Variants in SNTB2 observed in about 807,000 individuals in gnomAD.
The protein encoded by SNTB2 is syntrophin beta 2.
SNTB2 carries 34 observed loss-of-function variants against 46.2 expected under a neutral mutation model. That is an observed-to-expected ratio of 0.74 (90% confidence interval 0.56 to 0.98). SNTB2 has a LOEUF of 0.98. Among genes scored for constraint, SNTB2 ranks in the 50% least tolerant of loss-of-function variants. The pLI, the probability that SNTB2 is intolerant of heterozygous loss-of-function variation, is 0.00. For missense variants in SNTB2, 603 were observed against 731.4 expected, an observed-to-expected ratio of 0.82 and a Z score of 2.02; for synonymous variants, 290 against 312.6, an observed-to-expected ratio of 0.93 and a Z score of 0.76.
intron 1 of SNTB2, among the ~76,000 whole-genome samples, chr16:69,194,624 C>G (rs1964085732): frequency 6.6e-6 from 1 of 152,128 alleles, no homozygotes; most frequent in Admixed American, 6.6e-5. Flanking sequence ...CCCAGTCATT[C>G]CAGCCAAAAA....
chr16:69,248,371 C>A (rs113509192), intron 2 of SNTB2, among the ~76,000 whole-genome samples: 7,577 of 152,198 alleles, frequency 0.05, 262 homozygotes, highest in Non-Finnish European at 0.071. Context: ...AGGTGGCTCA[C>A]GCCTGTAATC....
rs1458776945 is a variant in SNTB2 at position 69,263,334 on chromosome 16, TC to T, written c.1005+3076del. ...TGTGTTGCCCAGGCTGGTCTCAAAC[TC>T]CTGGGCCCAGGTGATCTTCCCACCT... On this transcript the variant is annotated intron_variant, in intron 3 of 6. Coordinates refer to ENST00000336278, the MANE Select transcript of SNTB2 (RefSeq NM_006750.4). Among the ~76,000 whole-genome samples the T allele has an allele frequency of 2.6e-5, 4 of 151,886 alleles. No homozygotes were observed. The East Asian group carries it at 7.7e-4, about 29-fold the overall frequency.
chr16:69,284,111 C>G lies in SNTB2; in HGVS notation c.1212C>G (p.Thr404=). Residue 404 remains threonine (T), a synonymous_variant, in exon 5 of 7, where the codon ACC becomes ACG. Coordinates refer to ENST00000336278, the MANE Select transcript of SNTB2 (RefSeq NM_006750.4). Reference sequence around the variant, plus strand: ...TTGGATCTGACCTTACATTTGCTACCAGGACAGGCTCTCGACAGGGCATTG... The same window carrying G: ...TTGGATCTGACCTTACATTTGCTACGAGGACAGGCTCTCGACAGGGCATTG... ...PSLGSDLTFA[T]RTGSRQGIEM... 1 of 1,613,938 alleles carries G rather than the reference C, an allele frequency of 6.2e-7. No homozygotes were observed. The highest frequency in any genetic ancestry group is 1.1e-5 in the South Asian group (1 of 91,066).
At chr16:69,286,713 GAA>G (rs111268474) in intron 5 of SNTB2, among the ~76,000 whole-genome samples, 15 of 114,544 alleles carry the variant, frequency 1.3e-4, no homozygotes, top group Non-Finnish European at 1.9e-4. Flanking sequence ...TTAATTAAAT[GAA>G]AAAAAAAAAA....
At chr16:69,224,193 A>G (rs959768068) in intron 1 of SNTB2, among the ~76,000 whole-genome samples, 11 of 147,276 alleles carry the variant, frequency 7.5e-5, no homozygotes, top group Non-Finnish European at 1.0e-4. Flanking sequence ...ACATAAAGTT[A>G]CTATTTTTCC....
intron 5 of SNTB2, among the ~76,000 whole-genome samples, chr16:69,286,300 C>T (rs1257900929): frequency 1.3e-5 from 2 of 152,144 alleles, no homozygotes; most frequent in African/African-American, 4.8e-5. Flanking sequence ...CCAGTAATTC[C>T]AGCTACTTAG....
At chr16:69,264,687 C>T (rs1964868463) in intron 3 of SNTB2, among the ~76,000 whole-genome samples, 1 of 151,892 alleles carries the variant, frequency 6.6e-6, no homozygotes, top group South Asian at 2.1e-4. Context: ...GTACGTGAAC[C>T]TCCAAAGAAG....
At chr16:69,242,660 C>T (rs748420506) in intron 1 of SNTB2, among the ~76,000 whole-genome samples, 7 of 152,084 alleles carry the variant, frequency 4.6e-5, no homozygotes, top group Non-Finnish European at 8.8e-5. Flanking sequence ...TTTTGTCACT[C>T]TAAAGAAGAG....
At chr16:69,217,013 A>G (rs1420323279) in intron 1 of SNTB2, among the ~76,000 whole-genome samples, 1 of 152,152 alleles carries the variant, frequency 6.6e-6, no homozygotes, top group Non-Finnish European at 1.5e-5. Flanking sequence ...TGACTTAAAT[A>G]TTGATCCCTG....
intron 6 of SNTB2, among the ~76,000 whole-genome samples, chr16:69,300,452 G>C (rs774976993): frequency 6.6e-6 from 1 of 151,816 alleles, no homozygotes; most frequent in Non-Finnish European, 1.5e-5. Flanking sequence ...GGGTTTCACC[G>C]TGTTAGCCAG....
At chr16:69,270,831 G>A (rs1232146175) in intron 4 of SNTB2, among the ~76,000 whole-genome samples, 4 of 152,222 alleles carry the variant, frequency 2.6e-5, no homozygotes, top group African/African-American at 9.6e-5. Flanking sequence ...GAAAAGAATA[G>A]AGAAATTTAG....
rs893231361 is a variant in SNTB2, at chr16:69,303,009, G to A, written c.*2085G>A. ...ATTCTCCTGAGTAGCTGGGGTTATA[G>A]CTACCCACCACCACACCCAGCTAAT... On this transcript the variant is annotated 3_prime_UTR_variant, in exon 7 of 7. Transcript: ENST00000336278. 1.3e-5 allele frequency: 2 copies of A among 152,040 alleles called. No homozygotes were observed. The highest frequency in any genetic ancestry group is 4.8e-5 in the African/African-American group (2 of 41,350). The allele number at this position is 152,040 out of a possible 1,614,324, so 9.4% of individuals were successfully genotyped here.
intron 1 of SNTB2, among the ~76,000 whole-genome samples, chr16:69,220,154 ATTTT>A (rs889068336): frequency 1.2e-4 from 12 of 97,578 alleles, no homozygotes; most frequent in African/African-American, 4.6e-4. Context: ...AGAAAGTCAG[ATTTT>A]TTTTTTTTTT....
intron 3 of SNTB2, among the ~76,000 whole-genome samples, chr16:69,262,922 C>T (rs944318364): frequency 2.6e-5 from 4 of 151,932 alleles, no homozygotes; most frequent in African/African-American, 7.3e-5. Context: ...GTCATCCACC[C>T]GCCTCAGCCT....
chr16:69,199,615 G>C (rs1027219254), intron 1 of SNTB2, among the ~76,000 whole-genome samples: 6 of 105,970 alleles, frequency 5.7e-5, no homozygotes, highest in South Asian at 5.1e-4. Context: ...AAAAAAAGGC[G>C]ATCTTTTTCT....
chr16:69,198,246 C>G (rs556893049), intron 1 of SNTB2, among the ~76,000 whole-genome samples: 4 of 151,900 alleles, frequency 2.6e-5, no homozygotes, highest in African/African-American at 9.7e-5. Context: ...GTAGCTGGGA[C>G]TACAGTCCTA....
chr16:69,280,129 T>G (rs1381843741), intron 4 of SNTB2, among the ~76,000 whole-genome samples: 2 of 152,192 alleles, frequency 1.3e-5, no homozygotes, highest in Non-Finnish European at 2.9e-5. Context: ...CTTAATCCGT[T>G]TAACCCTGAG....
At chr16:69,201,743 T>A (rs1202467767) in intron 1 of SNTB2, among the ~76,000 whole-genome samples, 1 of 151,882 alleles carries the variant, frequency 6.6e-6, no homozygotes, top group Non-Finnish European at 1.5e-5. Context: ...GAAAAAAGAG[T>A]TTGAATAGTT....
chr16:69,225,445 C>G, intron 1 of SNTB2, among the ~76,000 whole-genome samples: 1 of 152,132 alleles, frequency 6.6e-6, no homozygotes, highest in East Asian at 1.9e-4. Context: ...TTGTTGTTGT[C>G]TAGTGGAAAT....
Sources: allele counts gnomAD v4.1 joint callset (sites outside exome capture counted in the v4.1 genomes callset), GRCh38; gene constraint gnomAD v4.1.1; transcripts MANE v1.5; gene names NCBI Gene and HGNC (gene_info 2026-07-23, HGNC 2026-07-21).